The following ASB14 variants were observed in gnomAD, a reference collection of about 807,000 sequenced individuals.
ASB14 encodes ankyrin repeat and SOCS box protein 14.
A neutral mutation model predicts 55.6 loss-of-function variants in ASB14; 63 were observed. The observed-to-expected ratio is 1.13, with a 90% confidence interval of 0.92 to 1.40. The LOEUF (loss-of-function observed/expected upper bound fraction) is 1.40. Ranked by LOEUF, ASB14 falls within the 40% of genes most tolerant of loss-of-function variation. The pLI is 0.00. For missense variants in ASB14, 724 were observed against 710.4 expected (o/e 1.02, Z -0.22); for synonymous variants, 256 against 259.9 (o/e 0.98, Z 0.15).
intron 8 of ASB14, 46 bp from the exon 9 acceptor site, chr3:57,277,966 A>C (rs1266737209): frequency 6.5e-7 from 1 of 1,540,508 alleles, no homozygotes; most frequent in African/African-American, 1.4e-5. Flanking sequence ...GAAAAACACA[A>C]AGTATCTATG....
chr3:57,288,809 G>A (rs2061102950), intron 3 of ASB14, among the ~76,000 whole-genome samples: 1 of 145,622 alleles, frequency 6.9e-6, no homozygotes, highest in Non-Finnish European at 1.5e-5. Context: ...CCATCTCCTG[G>A]GTTCAAGCAA....
intron 6 of ASB14, among the ~76,000 whole-genome samples, chr3:57,281,833 G>A (rs2061043087): frequency 6.6e-6 from 1 of 152,140 alleles, no homozygotes; most frequent in Admixed American, 6.5e-5. Context: ...TGCCACTCTA[G>A]CAATGCAGGG....
rs1446147684 is a variant in ASB14, at chr3:57,289,053, G to A, written c.178+15C>T. The A allele has an allele frequency of 6.0e-6, 9 of 1,493,472 alleles. No homozygotes were observed. The highest frequency in any genetic ancestry group is 7.2e-6 in the Non-Finnish European group (8 of 1,107,478). 92.5% of individuals were successfully genotyped at this position (1,493,472 alleles called of 1,614,324 possible). A position where few individuals can be genotyped will look rare whatever the true frequency, so the allele number is the denominator to read the frequency against. The stretch of plus-strand genomic sequence containing the variant: ...TCACATCTTACCACAAGTTAAAGGG[G>A]ATAGGAGTACTTAACTTTCTCTATT... On this transcript the variant is annotated intron_variant, in intron 3 of 10. Transcript: ENST00000487349.
rs367545007 is a variant in ASB14 at position 57,277,797 on chromosome 3, C to G, written c.1555G>C (p.Gly519Arg). ...ATAAAATGTATTTCTGACCAGATCC[C>G]CTGTTTTTGGAGCACAGCTTTCAAC... Reference protein sequence around the residue: ...SKLKAVLQKQGIWSEIHFILT... With the variant: ...SKLKAVLQKQRIWSEIHFILT... The change falls in exon 9 of 11, where the codon GGG (glycine) becomes CGG (arginine). Residue 519 changes from glycine to arginine, a missense_variant. By Grantham distance (125) the Gly-to-Arg change is moderately radical (BLOSUM62 -2). Transcript: ENST00000487349. 6.3e-5 allele frequency: 101 copies of G among 1,612,322 alleles called. No individual in the cohort carries two copies. Among genetic ancestry groups the G allele is most frequent in the Non-Finnish European group, 8.5e-5 (100 of 1,179,552 alleles).
chr3:57,288,368 A>G (rs2061098490), intron 3 of ASB14, 82 bp from the exon 4 acceptor site: 1 of 1,386,390 alleles, frequency 7.2e-7, no homozygotes, highest in Non-Finnish European at 9.8e-7. Context: ...TTCTACCACC[A>G]AAGTTAATGC....
chr3:57,283,591 G>A (rs1251160269), intron 5 of ASB14, among the ~76,000 whole-genome samples, 152 bp from the exon 6 acceptor site: 9 of 152,146 alleles, frequency 5.9e-5, no homozygotes, highest in Non-Finnish European at 1.5e-5. Context: ...TGTAAAGTAA[G>A]GCATGTGTCA....
chr3:57,283,189 C>G lies in ASB14; in HGVS notation c.715+5G>C. Reference sequence around the variant, plus strand: ...TTAGTGTGCTGACCAAACAGAAGATCTTGCCTTTCCGCAGTAACATTTCCA... The same window carrying G: ...TTAGTGTGCTGACCAAACAGAAGATGTTGCCTTTCCGCAGTAACATTTCCA... On this transcript the variant is annotated splice_donor_5th_base_variant and intron_variant, in intron 6 of 10. Transcript: ENST00000487349. 6.4e-7 allele frequency: 1 copy of G among 1,552,204 alleles called. No homozygotes were observed. The highest frequency in any genetic ancestry group is 8.7e-7 in the Non-Finnish European group (1 of 1,147,006).
chr3:57,276,869 C>CT, intron 9 of ASB14, 141 bp from the exon 10 acceptor site: 1 of 727,314 alleles, frequency 1.4e-6, no homozygotes, highest in East Asian at 2.7e-5. Context: ...TTTTTCAGTT[C>CT]TTATTGCAAT....
chr3:57,273,746 C>CTAAT (rs1324240250), intron 10 of ASB14, among the ~76,000 whole-genome samples: 3 of 152,180 alleles, frequency 2.0e-5, no homozygotes, highest in East Asian at 1.9e-4. Context: ...AGAAATTCCT[C>CTAAT]TAATTTACAG....
intron 10 of ASB14, chr3:57,273,060 G>GACATAAAGATTT: frequency 6.5e-6 from 1 of 152,684 alleles, no homozygotes; most frequent in Middle Eastern, 3.4e-3. Context: ...TAACTAGTAA[G>GACATAAAGATTT]ACATAAAGAT....
intron 7 of ASB14, 93 bp from the exon 8 acceptor site, chr3:57,279,013 C>A: frequency 8.2e-7 from 1 of 1,217,932 alleles, no homozygotes. Flanking sequence ...TAGATAGTAT[C>A]AGTATTCAGG....
At chr3:57,280,758 T>C (rs971805008) in intron 6 of ASB14, among the ~76,000 whole-genome samples, 2 of 152,210 alleles carry the variant, frequency 1.3e-5, no homozygotes, top group African/African-American at 2.4e-5. Flanking sequence ...AATACTGTTA[T>C]AAAAGTTGCT....
Position 57,277,799 on chromosome 3 carries a change from T to C in ASB14, c.1553A>G (p.Gln518Arg), listed in dbSNP as rs779641153. The C allele has an allele frequency of 6.2e-6, 10 of 1,612,860 alleles. No individual in the cohort carries two copies. The highest frequency in any genetic ancestry group is 8.5e-6 in the Non-Finnish European group (10 of 1,179,672). The change falls in exon 9 of 11, where the codon CAG becomes CGG. Residue 518 changes from glutamine to arginine, a missense_variant. By Grantham distance (43) the Gln-to-Arg change is conservative (BLOSUM62 1). Coordinates refer to ENST00000487349, the MANE Select transcript of ASB14 (RefSeq NM_001142733.3). ...AAAATGTATTTCTGACCAGATCCCC[T>C]GTTTTTGGAGCACAGCTTTCAACTT... ...CSKLKAVLQK[Q>R]GIWSEIHFIL...
chr3:57,290,254 ACT>A (rs1179033188), intron 2 of ASB14, among the ~76,000 whole-genome samples: 2 of 151,788 alleles, frequency 1.3e-5, no homozygotes, highest in East Asian at 1.9e-4. Context: ...TCTTGGGGAG[ACT>A]CTATCTCTGC....
At chr3:57,272,166 A>G (rs2060946223) in intron 10 of ASB14, 1 of 152,344 alleles carries the variant, frequency 6.6e-6, no homozygotes, top group East Asian at 1.9e-4. Context: ...AAGCCTGCCT[A>G]CTTCTACAAT....
rs570494102 is a variant in ASB14 at position 57,269,971 on chromosome 3, C to T, written c.*23-353G>A. ...ATTACATTTGCTCAAGAATTTTTTC[C>T]GTCAAATTGTGAACTTTTAATTCTT... On this transcript the variant is annotated intron_variant, in intron 10 of 10. Coordinates refer to ENST00000487349, the MANE Select transcript of ASB14 (RefSeq NM_001142733.3). 9.5e-5 allele frequency: 21 copies of T among 219,914 alleles called. No individual in the cohort carries two copies. In the South Asian group the frequency reaches 2.4e-3, roughly 25 times the overall value. 13.6% of individuals were successfully genotyped at this position (219,914 alleles called of 1,614,324 possible). A position where few individuals can be genotyped will look rare whatever the true frequency, so the allele number is the denominator to read the frequency against.
chr3:57,271,069 A>G (rs879670077), intron 10 of ASB14: 1 of 152,306 alleles, frequency 6.6e-6, no homozygotes, highest in Non-Finnish European at 1.5e-5. Flanking sequence ...ACATAGTCAC[A>G]CATTTACAAA....
Position 57,268,508 on chromosome 3 carries a change from G to A in ASB14, c.*1133C>T. 1 of 1,558,944 alleles carries A rather than the reference G, an allele frequency of 6.4e-7. No homozygotes were observed. The highest frequency in any genetic ancestry group is 8.6e-7 in the Non-Finnish European group (1 of 1,158,548). ...AAAAGGTATACAGTCCTAATGTCTGGATCTTTATGTGTTGTTTGTGAAGAC... is the reference window on the plus strand; with the variant it reads ...AAAAGGTATACAGTCCTAATGTCTGAATCTTTATGTGTTGTTTGTGAAGAC... On this transcript the variant is annotated 3_prime_UTR_variant, in exon 11 of 11. Transcript: ENST00000487349.
At chr3:57,278,030 ATGTCTC>A in intron 8 of ASB14, 110 bp from the exon 9 acceptor site, 3 of 1,014,882 alleles carry the variant, frequency 3.0e-6, no homozygotes, top group Admixed American at 2.8e-5. Flanking sequence ...AGAGAGAAAA[ATGTCTC>A]AAAAATGGGA....
Sources: allele counts gnomAD v4.1 joint callset (sites outside exome capture counted in the v4.1 genomes callset), GRCh38; gene constraint gnomAD v4.1.1; transcripts MANE v1.5; gene names NCBI Gene and HGNC (gene_info 2026-07-23, HGNC 2026-07-21).